EYA1: variants seen among roughly 807,000 people sequenced by gnomAD.
EYA1 encodes protein phosphatase EYA1.
In EYA1, 16 loss-of-function variants were observed where a neutral mutation model predicts 82.0. The ratio of observed to expected loss-of-function variants is 0.20; its 90% CI spans 0.13 to 0.30. The LOEUF (loss-of-function observed/expected upper bound fraction) is 0.30. EYA1 is among the 10% of genes least tolerant of loss of function. EYA1 has a pLI of 1.00. For synonymous variants in EYA1, 261 were observed against 264.4 expected (o/e 0.99, Z 0.12); for missense variants, 633 against 730.7 (o/e 0.87, Z 1.54).
chr8:71,198,798 T>C lies in EYA1; in HGVS notation c.*542A>G, dbSNP rs1806565834. 7.7e-6 allele frequency: 1 copy of C among 129,754 alleles called. No homozygotes were observed. The highest frequency in any genetic ancestry group is 1.7e-5 in the Non-Finnish European group (1 of 60,450). 8.0% of individuals were successfully genotyped at this position (129,754 alleles called of 1,614,324 possible). A position where few individuals can be genotyped will look rare whatever the true frequency, so the allele number is the denominator to read the frequency against. ...CAATTATTTGATGTTTAAAAAAGTC[T>C]GGTGGGTGAATTATACCTCAATAAA... On this transcript the variant is annotated 3_prime_UTR_variant, in exon 18 of 18. Coordinates refer to ENST00000340726, the MANE Select transcript of EYA1 (RefSeq NM_000503.6).
intron 2 of EYA1, among the ~76,000 whole-genome samples, chr8:71,451,988 AGTGCAAGGG>A (rs1774622656): frequency 6.6e-6 from 1 of 152,328 alleles, no homozygotes; most frequent in African/African-American, 2.4e-5. Context: ...TCACCTGGGA[AGTGCAAGGG>A]GTCAGGGAAT....
chr8:71,421,545 A>T (rs1008432378), intron 2 of EYA1, among the ~76,000 whole-genome samples: 1 of 152,186 alleles, frequency 6.6e-6, no homozygotes, highest in Non-Finnish European at 1.5e-5. Flanking sequence ...TTCAAAACTT[A>T]CATCTGTCAC....
At chr8:71,325,128 C>A (rs949541420) in intron 4 of EYA1, among the ~76,000 whole-genome samples, 1 of 152,210 alleles carries the variant, frequency 6.6e-6, no homozygotes, top group Non-Finnish European at 1.5e-5. Context: ...AGCTTCAACT[C>A]CCTCCTGGGT....
rs780203392 is a variant in EYA1, at chr8:71,215,681, C to T, written c.1408G>A (p.Glu470Lys). 5.0e-6 allele frequency: 8 copies of T among 1,614,142 alleles called. No individual in the cohort carries two copies. The highest frequency in any genetic ancestry group is 6.8e-6 in the Non-Finnish European group (8 of 1,179,992). Residue 470 changes from glutamate (E) to lysine (K), a missense_variant, in exon 15 of 18, where the codon GAA becomes AAA. Transcript: ENST00000340726. Reference sequence around the variant, plus strand: ...CAGGAGTCGGTCAGGGCTTCAATTTCGGCCCTCAACTGCAGCCAGGCTTCC... The same window carrying T: ...CAGGAGTCGGTCAGGGCTTCAATTTTGGCCCTCAACTGCAGCCAGGCTTCC... ...KREAWLQLRA[E>K]IEALTDSWLT...
In EYA1 at chr8:71,418,334, T is replaced by A. The variant is rs950707397; in HGVS notation, c.34-61823A>T. Among the ~76,000 whole-genome samples the A allele has an allele frequency of 2.6e-5, 4 of 152,316 alleles. No individual in the cohort carries two copies. The South Asian group carries it at 8.3e-4, about 32-fold the overall frequency. On this transcript the variant is annotated intron_variant, in intron 2 of 18. Coordinates refer to the EYA1 transcript ENST00000643681. ...TCTTAAAAAATGAGAAGATGTATCA[T>A]CCCTGAGCTCAGAGTCCCACATAAA... is the stretch of plus-strand genomic sequence containing the variant.
chr8:71,439,572 T>A (rs921053096), intron 2 of EYA1, among the ~76,000 whole-genome samples: 2 of 152,238 alleles, frequency 1.3e-5, no homozygotes, highest in African/African-American at 2.4e-5. Flanking sequence ...TAAACACTCA[T>A]TGGGCTCCTC....
chr8:71,512,357 A>T (rs1483026814), intron 2 of EYA1, among the ~76,000 whole-genome samples: 4 of 152,170 alleles, frequency 2.6e-5, no homozygotes, highest in Admixed American at 2.6e-4. Context: ...AGTTTTTAAA[A>T]AAAAGTTTTA....
chr8:71,319,880 T>C (rs1337279569), intron 6 of EYA1, among the ~76,000 whole-genome samples: 1 of 152,090 alleles, frequency 6.6e-6, no homozygotes, highest in East Asian at 1.9e-4. Flanking sequence ...ACGCAGGGCA[T>C]CTCCTTCTAC....
chr8:71,251,457 C>T (rs747331400), intron 11 of EYA1, among the ~76,000 whole-genome samples: 21 of 152,194 alleles, frequency 1.4e-4, no homozygotes, highest in African/African-American at 3.4e-4. Context: ...AACCCTGCTC[C>T]GAAATTATTT....
At chr8:71,251,908 A>T (rs1813788615) in intron 11 of EYA1, among the ~76,000 whole-genome samples, 1 of 152,180 alleles carries the variant, frequency 6.6e-6, no homozygotes, top group African/African-American at 2.4e-5. Flanking sequence ...ATTCTGGACA[A>T]AAGCAGTGCA....
chr8:71,233,546 A>C (rs1358654917), intron 12 of EYA1, among the ~76,000 whole-genome samples: 3 of 150,322 alleles, frequency 2.0e-5, no homozygotes, highest in Non-Finnish European at 4.4e-5. Flanking sequence ...CCTGGGCGAC[A>C]GAGTGAGACT....
intron 7 of EYA1, among the ~76,000 whole-genome samples, chr8:71,315,502 G>A (rs763401223): frequency 2.4e-4 from 37 of 152,080 alleles, no homozygotes; most frequent in Non-Finnish European, 2.9e-4. Context: ...CTAGACCCTG[G>A]GACCCCTCCA....
At chr8:71,206,794 C>A (rs1367212040) in intron 17 of EYA1, among the ~76,000 whole-genome samples, 1 of 152,040 alleles carries the variant, frequency 6.6e-6, no homozygotes, top group Non-Finnish European at 1.5e-5. Flanking sequence ...CTCATTCTAT[C>A]ATCCCAGCTG....
At chr8:71,406,827 A>G (rs1830269202) in intron 2 of EYA1, among the ~76,000 whole-genome samples, 1 of 145,568 alleles carries the variant, frequency 6.9e-6, no homozygotes, top group South Asian at 2.3e-4. Flanking sequence ...AGGCTTGCTT[A>G]GGTAAACAAA....
intron 17 of EYA1, among the ~76,000 whole-genome samples, chr8:71,207,956 TTTATTGGGTTG>T (rs1435984921): frequency 3.9e-5 from 6 of 152,254 alleles, no homozygotes; most frequent in African/African-American, 1.4e-4. Flanking sequence ...TTTTAAGTGT[TTTATTGGGTTG>T]TTCCTACTGT....
chr8:71,371,632 G>A (rs1254627948), intron 2 of EYA1, among the ~76,000 whole-genome samples: 9 of 152,088 alleles, frequency 5.9e-5, no homozygotes, highest in Non-Finnish European at 1.2e-4. Flanking sequence ...AAAGCTTCTC[G>A]AGAAATGTAG....
At chr8:71,273,220 A>C (rs562779946) in intron 9 of EYA1, among the ~76,000 whole-genome samples, 17 of 152,364 alleles carry the variant, frequency 1.1e-4, no homozygotes, top group African/African-American at 3.6e-4. Context: ...ACAAGATGGC[A>C]AACTTCCTCA....
chr8:71,258,536 T>C (rs915364978), intron 11 of EYA1, among the ~76,000 whole-genome samples: 1 of 152,202 alleles, frequency 6.6e-6, no homozygotes, highest in African/African-American at 2.4e-5. Flanking sequence ...TGGGTAGTCC[T>C]AACATGGAGA....
intron 11 of EYA1, among the ~76,000 whole-genome samples, chr8:71,248,483 C>G (rs769859095): frequency 6.6e-6 from 1 of 152,224 alleles, no homozygotes; most frequent in Non-Finnish European, 1.5e-5. Context: ...CTGTCCATTT[C>G]ACAGCCCTGT....
Sources: gnomAD v4.1 joint callset for allele counts (sites outside exome capture counted in the v4.1 genomes callset) on GRCh38, gnomAD v4.1.1 for gene constraint, MANE v1.5 for transcripts, NCBI Gene and HGNC (gene_info 2026-07-23, HGNC 2026-07-21) for gene names.